The following UBR3 variants were observed in gnomAD, a reference collection of about 807,000 sequenced individuals.
The protein encoded by UBR3 is ubiquitin protein ligase E3 component n-recognin 3.
In UBR3, 85 loss-of-function variants were observed where a neutral mutation model predicts 243.2. The observed-to-expected ratio is 0.35, with a 90% CI of 0.29 to 0.42. The LOEUF (loss-of-function observed/expected upper bound fraction) is 0.42, where lower values mean the gene tolerates loss of function less well. Among genes scored for constraint, UBR3 ranks in the 10% least tolerant of loss-of-function variants. The pLI is 1.00. For synonymous variants in UBR3, 748 were observed against 799.8 expected (o/e 0.94, Z 1.09); for missense variants, 1,686 against 2,300.8 (o/e 0.73, Z 5.47).
chr2:169,838,387 T>TTG (rs544974959), intron 1 of UBR3, among the ~76,000 whole-genome samples: 1,154 of 114,374 alleles, frequency 0.01, 9 homozygotes, highest in East Asian at 0.016. Context: ...ATTAAGGCAT[T>TTG]TGTGTGTGTG....
intron 23 of UBR3, 149 bp downstream of exon 23, chr2:169,950,214 C>A: frequency 1.3e-6 from 1 of 747,228 alleles, no homozygotes; most frequent in Non-Finnish European, 2.1e-6. Context: ...GGAGCATAGT[C>A]AGTGCTTGTA....
At position 169,875,849 on chromosome 2, in the gene UBR3, A is replaced by G. The variant is rs748151519; in HGVS notation, c.744A>G (p.Gln248=). The G allele has an allele frequency of 1.1e-5, 17 of 1,550,334 alleles. 1 individual carries two copies. The South Asian group carries it at 1.9e-4, about 17-fold the overall frequency. ...AAGTCCTTCAGCTTTTGGAACCTCA[A>G]ATTTCCTTTTTAGAAGACCTGACTA... The part of the protein sequence containing the change: ...LNKVLQLLEP[Q]ISFLEDLTKM... The change falls in exon 3 of 39, where the codon CAA becomes CAG. Residue 248 remains glutamine (Q), a synonymous_variant. Transcript: ENST00000272793.
chr2:170,077,875 T>G (rs2091842505), intron 36 of UBR3: 2 of 379,968 alleles, frequency 5.3e-6, no homozygotes, highest in African/African-American at 4.3e-5. Flanking sequence ...CATGAGCCAC[T>G]GCACCTGGCT....
chr2:169,965,615 C>T (rs779082722), intron 24 of UBR3, among the ~76,000 whole-genome samples: 4 of 152,080 alleles, frequency 2.6e-5, no homozygotes, highest in African/African-American at 4.8e-5. Flanking sequence ...TACTTGAACA[C>T]AAGCATTGGG....
At chr2:170,003,876 G>C (rs1172815284) in intron 27 of UBR3, among the ~76,000 whole-genome samples, 1 of 152,142 alleles carries the variant, frequency 6.6e-6, no homozygotes, top group African/African-American at 2.4e-5. Context: ...TCCTGACCTC[G>C]TGATCCATCC....
intron 24 of UBR3, 109 bp from the exon 25 acceptor site, chr2:169,986,536 T>C: frequency 1.0e-6 from 1 of 990,076 alleles, no homozygotes; most frequent in Non-Finnish European, 1.5e-6. Context: ...CTGTATACTT[T>C]ATTGATATTG....
chr2:169,837,094 T>C (rs2105280771), intron 1 of UBR3, among the ~76,000 whole-genome samples: 1 of 152,370 alleles, frequency 6.6e-6, no homozygotes, highest in African/African-American at 2.4e-5. Flanking sequence ...GGTTTTTCAT[T>C]GTACACTTAG....
In UBR3 at chr2:169,990,398, C is replaced by G. The variant is rs149801943; in HGVS notation, c.3784+3604C>G. Among the ~76,000 whole-genome samples, 1,435 of 151,936 alleles carry G rather than the reference C, an allele frequency of 9.4e-3. 10 individuals are homozygous for G. Among genetic ancestry groups the G allele is most frequent in the Non-Finnish European group, 0.015 (1,050 of 67,906 alleles). On this transcript the variant is annotated intron_variant, in intron 25 of 38. Transcript: ENST00000272793. ...ATATAGTCTTTTCATTTTACTAAAC[C>G]CTACAATCTTTGCAAAGATTCAGAA...
intron 33 of UBR3, among the ~76,000 whole-genome samples, chr2:170,058,477 C>G (rs1277465727): frequency 1.4e-5 from 2 of 147,444 alleles, no homozygotes; most frequent in Non-Finnish European, 3.0e-5. Context: ...TTTTCTTTTT[C>G]TTTCCTTCCT....
intron 1 of UBR3, among the ~76,000 whole-genome samples, chr2:169,843,995 T>G (rs958468307): frequency 2.7e-5 from 4 of 148,446 alleles, no homozygotes. Context: ...TTTCTTTTCT[T>G]TTTTCTCTTT....
intron 5 of UBR3, among the ~76,000 whole-genome samples, chr2:169,887,356 C>G (rs2084143242): frequency 6.6e-6 from 1 of 152,192 alleles, no homozygotes; most frequent in Non-Finnish European, 1.5e-5. Flanking sequence ...CCATCATCTT[C>G]TCTTAGGATC....
chr2:169,875,317 T>C (rs1312903673), intron 2 of UBR3, among the ~76,000 whole-genome samples: 1 of 152,128 alleles, frequency 6.6e-6, no homozygotes, highest in Non-Finnish European at 1.5e-5. Flanking sequence ...GGCCCACAGA[T>C]CAAATGCTGC....
intron 10 of UBR3, among the ~76,000 whole-genome samples, chr2:169,907,461 ATAC>A (rs1407680800): frequency 6.6e-6 from 1 of 152,166 alleles, no homozygotes; most frequent in Non-Finnish European, 1.5e-5. Context: ...CTGTAAGCAG[ATAC>A]TAAGAATCTT....
intron 1 of UBR3, among the ~76,000 whole-genome samples, chr2:169,841,394 T>C (rs2082282230): frequency 1.3e-5 from 2 of 152,196 alleles, no homozygotes. Flanking sequence ...CCTCGCTTGC[T>C]CTCGGCACCT....
At chr2:170,070,131 A>T (rs2091666364) in intron 35 of UBR3, among the ~76,000 whole-genome samples, 1 of 152,156 alleles carries the variant, frequency 6.6e-6, no homozygotes, top group Admixed American at 6.5e-5. Context: ...TGCTATTGTA[A>T]CTAATGCTGC....
chr2:169,919,072 GGGATATATAGCATTTGC>G (rs2085582763), intron 11 of UBR3, among the ~76,000 whole-genome samples: 1 of 152,182 alleles, frequency 6.6e-6, no homozygotes, highest in African/African-American at 2.4e-5. Flanking sequence ...AGTGGGAGAA[GGGATATATAGCATTTGC>G]GGCAGGGGGA....
chr2:169,940,317 A>G (rs1256874820), intron 19 of UBR3, among the ~76,000 whole-genome samples: 1 of 152,014 alleles, frequency 6.6e-6, no homozygotes, highest in Non-Finnish European at 1.5e-5. Flanking sequence ...AACTTTTTCT[A>G]TATAGTTTAG....
intron 11 of UBR3, among the ~76,000 whole-genome samples, chr2:169,920,020 T>C (rs201491443): frequency 0.42 from 64,149 of 151,818 alleles, 15,125 homozygotes; most frequent in Non-Finnish European, 0.54. Flanking sequence ...CGTATGTTTA[T>C]AGCGGCACTA....
chr2:169,875,924 A>G lies in UBR3; in HGVS notation c.819A>G (p.Gln273=), dbSNP rs1467557834. 2.6e-6 allele frequency: 4 copies of G among 1,537,110 alleles called. No individual in the cohort carries two copies. In the Admixed American group the frequency reaches 6.3e-5, roughly 24 times the overall value. The change falls in exon 3 of 39, where the codon CAA becomes CAG. Residue 273 remains glutamine (Q), a synonymous_variant. Coordinates refer to ENST00000272793, the MANE Select transcript of UBR3 (RefSeq NM_172070.4). ...RSVLTQVLTN[Q]QNYKDLTSGL... ...TTCTTACTCAGGTTTTGACAAACCA[A>G]CAAAACTACAAAGATCTGACTTCTG...
Sources: gnomAD v4.1 joint callset for allele counts (sites outside exome capture counted in the v4.1 genomes callset) on GRCh38, gnomAD v4.1.1 for gene constraint, MANE v1.5 for transcripts, NCBI Gene and HGNC (gene_info 2026-07-23, HGNC 2026-07-21) for gene names.